Variants in THSD7A observed in about 807,000 individuals in gnomAD.
The protein encoded by THSD7A is thrombospondin type-1 domain-containing protein 7A.
THSD7A carries 96 observed loss-of-function variants against 231.3 expected under a neutral mutation model. The ratio of observed to expected loss-of-function variants is 0.41; its 90% CI spans 0.35 to 0.49. The LOEUF (loss-of-function observed/expected upper bound fraction) is 0.49. THSD7A is among the 20% of genes least tolerant of loss of function. The probability of loss-of-function intolerance (pLI) is 0.05; values close to 1 mark genes in which losing one functional copy is unlikely to be tolerated. For synonymous variants in THSD7A, 940 were observed against 743.3 expected, an observed-to-expected ratio of 1.26 and a Z score of -4.30; for missense variants, 2,290 against 2,070.2, an observed-to-expected ratio of 1.11 and a Z score of -2.06.
In THSD7A at chr7:11,406,353, A is replaced by C; in HGVS notation, c.4184T>G (p.Ile1395Arg). 1 of 1,613,910 alleles carries C rather than the reference A, an allele frequency of 6.2e-7. No individual in the cohort carries two copies. Among genetic ancestry groups the C allele is most frequent in the Non-Finnish European group, 8.5e-7 (1 of 1,179,834 alleles). Residue 1395 changes from isoleucine to arginine, a missense_variant, in exon 22 of 28, where the codon ATA (isoleucine) becomes AGA (arginine). By Grantham distance (97) the Ile-to-Arg change is moderately conservative (BLOSUM62 -3). Transcript: ENST00000423059. The surrounding 1 kb of genome is among the most constrained non-coding windows in gnomAD (Gnocchi z 4.7). ...EEFCADIELIIDGNKNMVLEE... is the reference protein window; with the variant it reads ...EEFCADIELIRDGNKNMVLEE... ...CAGAACCATATTTTTATTACCATCT[A>C]TAATGAGTTCAATGTCAGCACAGAA...
At chr7:11,667,191 T>G (rs755588988) in intron 1 of THSD7A, among the ~76,000 whole-genome samples, 20 of 152,064 alleles carry the variant, frequency 1.3e-4, no homozygotes, top group Non-Finnish European at 2.5e-4. Context: ...ATATAGTCTT[T>G]TAGCCCTCAC....
intron 1 of THSD7A, among the ~76,000 whole-genome samples, chr7:11,671,282 C>T (rs866092361): frequency 2.0e-5 from 3 of 152,108 alleles, no homozygotes; most frequent in African/African-American, 7.2e-5. Flanking sequence ...CTCTGTGTGG[C>T]TTTATTTTTT....
intron 4 of THSD7A, among the ~76,000 whole-genome samples, chr7:11,570,548 C>G (rs55656919): frequency 0.026 from 3,967 of 152,242 alleles, 74 homozygotes; most frequent in South Asian, 0.073. Context: ...TCCTAAATAC[C>G]CTGTTTTGAT....
chr7:11,557,873 C>A (rs369220930), intron 4 of THSD7A, among the ~76,000 whole-genome samples: 1 of 152,062 alleles, frequency 6.6e-6, no homozygotes, highest in African/African-American at 2.4e-5. Context: ...GAGTGTTGAG[C>A]GACTCATTAC....
chr7:11,545,939 C>G (rs1031534074), intron 4 of THSD7A, among the ~76,000 whole-genome samples: 9 of 152,138 alleles, frequency 5.9e-5, no homozygotes, highest in Non-Finnish European at 1.2e-4. Flanking sequence ...ATGGCACAAG[C>G]CCAGTCTGAT....
intron 7 of THSD7A, among the ~76,000 whole-genome samples, chr7:11,475,769 C>T (rs1017756251): frequency 6.6e-6 from 1 of 150,668 alleles, no homozygotes; most frequent in African/African-American, 2.4e-5. Context: ...CAATGTTTTG[C>T]ATTGTAAAAT....
chr7:11,562,680 C>T (rs1036240806), intron 4 of THSD7A, among the ~76,000 whole-genome samples: 1 of 151,954 alleles, frequency 6.6e-6, no homozygotes, highest in Non-Finnish European at 1.5e-5. Context: ...TTCCAAAGAC[C>T]GACAAATAAA....
chr7:11,655,868 T>C (rs2128370810), intron 1 of THSD7A, among the ~76,000 whole-genome samples: 1 of 152,048 alleles, frequency 6.6e-6, no homozygotes, highest in South Asian at 2.1e-4. Flanking sequence ...ATTGTTTGCA[T>C]AATTGCTTGG....
rs1055455980 is a variant in THSD7A at position 11,446,849 on chromosome 7, C to T, written c.2800+381G>A. On this transcript the variant is annotated intron_variant, in intron 12 of 27. Transcript: ENST00000423059. The surrounding 1 kb of genome is among the most constrained non-coding windows in gnomAD (Gnocchi z 4.0). ...TCAGATACAGAATTAATGCTATATTCCCCCTTCTAGGTGAGAAAGGATAAT... is the reference window on the plus strand; with the variant it reads ...TCAGATACAGAATTAATGCTATATTTCCCCTTCTAGGTGAGAAAGGATAAT... 6.6e-6 allele frequency among the ~76,000 whole-genome samples: 1 copy of T among 152,082 alleles called. No homozygotes were observed. Among genetic ancestry groups the T allele is most frequent in the Non-Finnish European group, 1.5e-5 (1 of 68,002 alleles).
intron 4 of THSD7A, among the ~76,000 whole-genome samples, chr7:11,547,401 G>C (rs943194538): frequency 3.3e-5 from 5 of 152,158 alleles, no homozygotes; most frequent in African/African-American, 1.2e-4. Context: ...TATCTTAAGA[G>C]ACCATATCAC....
At chr7:11,471,700 C>A (rs1785946200) in intron 8 of THSD7A, among the ~76,000 whole-genome samples, 1 of 151,928 alleles carries the variant, frequency 6.6e-6, no homozygotes, top group Non-Finnish European at 1.5e-5. Context: ...AAGTCACGGA[C>A]AACAAATAAA....
intron 1 of THSD7A, among the ~76,000 whole-genome samples, chr7:11,749,671 G>C (rs983432058): frequency 9.9e-5 from 15 of 151,954 alleles, no homozygotes; most frequent in African/African-American, 3.1e-4. Flanking sequence ...GTCGTGATAA[G>C]TCCCTTGTAG....
intron 9 of THSD7A, among the ~76,000 whole-genome samples, chr7:11,466,524 C>A (rs777008738): frequency 6.6e-6 from 1 of 152,094 alleles, no homozygotes. Context: ...CAACAATGAC[C>A]CTTCTATCAC....
At position 11,499,749 on chromosome 7, in the gene THSD7A, ACAGT is replaced by A. The variant is rs1258885944; in HGVS notation, c.1823-17771_1823-17768del. Among the ~76,000 whole-genome samples, 20 of 152,246 alleles carry A rather than the reference ACAGT, an allele frequency of 1.3e-4. No homozygotes were observed. In the South Asian group the frequency reaches 1.4e-3, roughly 11 times the overall value. ...TTGAAGACTGGTTCTGTGAAATAAGACAGTCAGACAAAAATAAAGAACAACTATT... is the reference window on the plus strand; with the variant it reads ...TTGAAGACTGGTTCTGTGAAATAAGACAGACAAAAATAAAGAACAACTATT... On this transcript the variant is annotated intron_variant, in intron 6 of 27. Coordinates refer to ENST00000423059, the MANE Select transcript of THSD7A (RefSeq NM_015204.3).
At chr7:11,722,503 C>T (rs888979685) in intron 1 of THSD7A, among the ~76,000 whole-genome samples, 1 of 151,874 alleles carries the variant, frequency 6.6e-6, no homozygotes, top group Admixed American at 6.6e-5. Flanking sequence ...CATGACTCAA[C>T]TGGTCCTGTG....
chr7:11,758,313 G>A (rs1433506361), intron 1 of THSD7A, among the ~76,000 whole-genome samples: 1 of 151,850 alleles, frequency 6.6e-6, no homozygotes, highest in African/African-American at 2.4e-5. Flanking sequence ...AATCCTCTTA[G>A]CGTAGAAAAC....
At chr7:11,693,096 T>C (rs1314762937) in intron 1 of THSD7A, among the ~76,000 whole-genome samples, 1 of 151,600 alleles carries the variant, frequency 6.6e-6, no homozygotes, top group African/African-American at 2.4e-5. Context: ...ATGAATGAAC[T>C]TTTCAAGAAT....
chr7:11,523,753 C>A (rs189237156), intron 6 of THSD7A, among the ~76,000 whole-genome samples: 110 of 152,096 alleles, frequency 7.2e-4, no homozygotes, highest in Non-Finnish European at 1.2e-3. Context: ...GTCTGTTGTA[C>A]GTAGTAATTA....
At chr7:11,417,792 C>T (rs1241670347) in intron 16 of THSD7A, among the ~76,000 whole-genome samples, 189 bp from the exon 17 acceptor site, 1 of 152,134 alleles carries the variant, frequency 6.6e-6, no homozygotes, top group Non-Finnish European at 1.5e-5. Context: ...GGATCTTTGC[C>T]TCTCCTAAAT....
Sources: gnomAD v4.1 joint callset for allele counts (sites outside exome capture counted in the v4.1 genomes callset) on GRCh38, gnomAD v4.1.1 for gene constraint, Gnocchi (gnomAD v3.1) non-coding constraint, MANE v1.5 for transcripts, NCBI Gene and HGNC (gene_info 2026-07-23, HGNC 2026-07-21) for gene names.